The following RALYL variants were observed in gnomAD, a reference collection of about 807,000 sequenced individuals.
The protein encoded by RALYL is RNA-binding Raly-like protein.
RALYL carries 29 observed loss-of-function variants against 35.1 expected under a neutral mutation model. The ratio of observed to expected loss-of-function variants is 0.83; its 90% CI spans 0.61 to 1.13. The LOEUF is 1.13. RALYL is among the 50% of genes most tolerant of loss of function. RALYL has a pLI of 0.00. For missense variants in RALYL, 359 were observed against 360.4 expected, an observed-to-expected ratio of 1.00 and a Z score of 0.03; for synonymous variants, 120 against 127.6, an observed-to-expected ratio of 0.94 and a Z score of 0.40.
At chr8:84,571,363 AT>A (rs1564165675) in intron 2 of RALYL, among the ~76,000 whole-genome samples, 2 of 151,858 alleles carry the variant, frequency 1.3e-5, no homozygotes, top group South Asian at 4.2e-4. Context: ...GTTTTTAGAA[AT>A]TTATCCATTT....
intron 1 of RALYL, among the ~76,000 whole-genome samples, chr8:84,237,036 A>G (rs1273774345): frequency 2.0e-5 from 3 of 152,220 alleles, no homozygotes; most frequent in Admixed American, 6.5e-5. Context: ...CAAATATCCT[A>G]CAGAAAAATC....
chr8:84,369,111 G>A (rs893572740), intron 1 of RALYL, among the ~76,000 whole-genome samples: 10 of 152,018 alleles, frequency 6.6e-5, no homozygotes, highest in South Asian at 2.1e-4. Flanking sequence ...GAGTTTTTGA[G>A]CTTGCTTCTG....
chr8:84,666,234 G>A (rs191549005), intron 2 of RALYL, among the ~76,000 whole-genome samples: 45 of 152,062 alleles, frequency 3.0e-4, no homozygotes, highest in East Asian at 7.7e-4. Context: ...TATTTTGCTC[G>A]TTATTGGCTT....
rs557795410 is a variant in RALYL at position 84,457,018 on chromosome 8, T to G, written c.-23-72281T>G. Among the ~76,000 whole-genome samples, 21 of 152,066 alleles carry G rather than the reference T, an allele frequency of 1.4e-4. 2 individuals carry two copies. The South Asian group carries it at 4.1e-3, about 30-fold the overall frequency. On this transcript the variant is annotated intron_variant, in intron 1 of 8. Coordinates refer to ENST00000521268, the MANE Select transcript of RALYL (RefSeq NM_173848.7). ...AAGGACCAATCTAAAATAAAGAATC[T>G]CTATTGTATTTTTCTACTGACAATG...
chr8:84,455,349 T>C (rs1208941021), intron 1 of RALYL, among the ~76,000 whole-genome samples: 2 of 151,930 alleles, frequency 1.3e-5, no homozygotes, highest in African/African-American at 4.8e-5. Flanking sequence ...AGTGGCATTA[T>C]TTTTTTCCAA....
At chr8:84,655,851 G>T (rs990239199) in intron 2 of RALYL, among the ~76,000 whole-genome samples, 3 of 152,154 alleles carry the variant, frequency 2.0e-5, no homozygotes, top group Admixed American at 6.6e-5. Flanking sequence ...GCTTAGAGAT[G>T]ACAATTTGTC....
Position 84,725,381 on chromosome 8 carries a change from A to C in RALYL, c.257-49198A>C, listed in dbSNP as rs532222593. Among the ~76,000 whole-genome samples the C allele has an allele frequency of 1.1e-3, 160 of 151,928 alleles. 1 individual carries two copies. The highest frequency in any genetic ancestry group is 3.7e-3 in the African/African-American group (153 of 41,560). The stretch of plus-strand genomic sequence containing the variant: ...TGGCAGTTAATTATTTTGAACAATG[A>C]ATCCAATCAGTCTAGTCAGTTTACC... On this transcript the variant is annotated intron_variant, in intron 2 of 8. Transcript: ENST00000521268.
At chr8:84,660,788 G>T (rs1420529351) in intron 2 of RALYL, among the ~76,000 whole-genome samples, 2 of 151,960 alleles carry the variant, frequency 1.3e-5, no homozygotes, top group Non-Finnish European at 2.9e-5. Flanking sequence ...AGACTATTGA[G>T]ACTTCATATA....
At chr8:84,479,568 A>C (rs2053838151) in intron 1 of RALYL, among the ~76,000 whole-genome samples, 1 of 152,266 alleles carries the variant, frequency 6.6e-6, no homozygotes. Context: ...AAAATGATCA[A>C]TTGATTGATT....
In RALYL at chr8:84,368,495, G is replaced by A. The variant is rs796385750; in HGVS notation, c.-23-160804G>A. On this transcript the variant is annotated intron_variant, in intron 1 of 8. Transcript: ENST00000521268. ...TGTATTAGTCTGCTTTCAGGCTGCT[G>A]ATAAAGATATACCTGAGACTGGCCA... is the stretch of plus-strand genomic sequence containing the variant. Among the ~76,000 whole-genome samples, 3 of 152,124 alleles carry A rather than the reference G, an allele frequency of 2.0e-5. No individual in the cohort carries two copies. In the South Asian group the frequency reaches 6.2e-4, roughly 32 times the overall value.
At chr8:84,676,842 A>G (rs571091012) in intron 2 of RALYL, among the ~76,000 whole-genome samples, 1 of 152,152 alleles carries the variant, frequency 6.6e-6, no homozygotes, top group African/African-American at 2.4e-5. Flanking sequence ...TCGCTTTGTC[A>G]CCCAGGCTGG....
chr8:84,261,360 A>G (rs1443169608), intron 1 of RALYL, among the ~76,000 whole-genome samples: 1 of 152,182 alleles, frequency 6.6e-6, no homozygotes, highest in Admixed American at 6.5e-5. Flanking sequence ...TAATAGAATC[A>G]TGGGGGCGGT....
intron 1 of RALYL, among the ~76,000 whole-genome samples, chr8:84,327,676 C>T (rs865920503): frequency 1.3e-4 from 20 of 149,558 alleles, no homozygotes; most frequent in African/African-American, 4.7e-4. Flanking sequence ...TCTGGCCCTT[C>T]ACAGAAAAAA....
intron 8 of RALYL, among the ~76,000 whole-genome samples, chr8:84,913,933 TTTA>T (rs1359603285): frequency 6.6e-6 from 1 of 151,994 alleles, no homozygotes; most frequent in Non-Finnish European, 1.5e-5. Flanking sequence ...ATGAAGTCAT[TTTA>T]TTATATTGTA....
Position 84,737,669 on chromosome 8 carries a change from A to G in RALYL, c.257-36910A>G, listed in dbSNP as rs1298640984. 2.0e-5 allele frequency among the ~76,000 whole-genome samples: 3 copies of G among 152,178 alleles called. No homozygotes were observed. In the East Asian group the frequency reaches 5.8e-4, roughly 29 times the overall value. ...AAATGTTTGTGTCCCCAAATTTTAT[A>G]TGGCGAAACCTCATCAGCAATGTGG... On this transcript the variant is annotated intron_variant, in intron 2 of 8. Transcript: ENST00000521268.
intron 2 of RALYL, among the ~76,000 whole-genome samples, chr8:84,692,759 G>A (rs1838318813): frequency 6.6e-6 from 1 of 152,034 alleles, no homozygotes; most frequent in African/African-American, 2.4e-5. Context: ...AAATGCTTGA[G>A]TCTTGTTGGT....
At chr8:84,620,518 A>G (rs1821090281) in intron 2 of RALYL, among the ~76,000 whole-genome samples, 1 of 151,972 alleles carries the variant, frequency 6.6e-6, no homozygotes, top group South Asian at 2.1e-4. Flanking sequence ...AAAGTTTTCA[A>G]CTTCTTTGCC....
chr8:84,469,911 G>A (rs372282870), intron 1 of RALYL, among the ~76,000 whole-genome samples: 20 of 152,280 alleles, frequency 1.3e-4, no homozygotes, highest in South Asian at 1.0e-3. Flanking sequence ...TCCAGGTGCC[G>A]TCTGTCAGCC....
At chr8:84,274,814 C>CATCT (rs1835035130) in intron 1 of RALYL, among the ~76,000 whole-genome samples, 1 of 152,154 alleles carries the variant, frequency 6.6e-6, no homozygotes. Context: ...AAAACTCTGT[C>CATCT]ATCTCTTCTT....
Sources: gnomAD v4.1 joint callset for allele counts (sites outside exome capture counted in the v4.1 genomes callset) on GRCh38, gnomAD v4.1.1 for gene constraint, MANE v1.5 for transcripts, NCBI Gene and HGNC (gene_info 2026-07-23, HGNC 2026-07-21) for gene names.